The following TMEM165 variants were observed in gnomAD, a reference collection of about 807,000 sequenced individuals.
TMEM165 encodes putative divalent cation/proton antiporter TMEM165.
A neutral mutation model predicts 30.0 loss-of-function variants in TMEM165; 19 were observed. The observed-to-expected ratio is 0.63, with a 90% CI of 0.44 to 0.93. The LOEUF (loss-of-function observed/expected upper bound fraction) is 0.93. TMEM165 is among the 40% of genes least tolerant of loss of function. The probability of loss-of-function intolerance (pLI) is 0.00; values close to 1 mark genes in which losing one functional copy is unlikely to be tolerated. For synonymous variants in TMEM165, 168 were observed against 162.9 expected (o/e 1.03, Z -0.24); for missense variants, 340 against 417.0 (o/e 0.82, Z 1.61).
chr4:55,406,845 A>G (rs113473110), intron 1 of TMEM165, among the ~76,000 whole-genome samples: 5,127 of 151,480 alleles, frequency 0.034, 104 homozygotes, highest in Non-Finnish European at 0.054. Context: ...TATTTTTTGT[A>G]GAGACAGGGT....
chr4:55,405,040 T>A (rs940474092), intron 1 of TMEM165, among the ~76,000 whole-genome samples: 1 of 152,160 alleles, frequency 6.6e-6, no homozygotes, highest in Non-Finnish European at 1.5e-5. Context: ...CTAAGATAGT[T>A]TTTTTTCCTA....
chr4:55,414,195 G>A (rs892326211), intron 2 of TMEM165, among the ~76,000 whole-genome samples: 24 of 151,872 alleles, frequency 1.6e-4, no homozygotes, highest in Admixed American at 2.0e-4. Context: ...GCGTCAACCC[G>A]GGAGGCAGAG....
In TMEM165 at chr4:55,438,381, C is replaced by T. The variant is rs144899203; in HGVS notation, c.408+13738C>T. ...GGGAGCTCTGCTGCTGCTGCTGCTG[C>T]GTTACTGACAATGTCTGTGACTGTT... On this transcript the variant is annotated intron_variant, in intron 3 of 3. Coordinates refer to the TMEM165 transcript ENST00000608091. The T allele has an allele frequency of 5.5e-5, 88 of 1,613,622 alleles. No individual in the cohort carries two copies. The African/African-American group carries it at 8.8e-4, about 16-fold the overall frequency.
At chr4:55,442,677 T>G in intron 3 of TMEM165, 2 of 1,509,462 alleles carry the variant, frequency 1.3e-6, no homozygotes, top group Non-Finnish European at 1.8e-6. Flanking sequence ...TAACTGAAAA[T>G]AATTATTTGG....
chr4:55,439,116 T>C (rs1461873414), intron 3 of TMEM165, among the ~76,000 whole-genome samples: 1 of 152,188 alleles, frequency 6.6e-6, no homozygotes, highest in East Asian at 1.9e-4. Flanking sequence ...ATATCATCCT[T>C]CTGATAAGGG....
At chr4:55,444,868 TATAACATGAGTGAAGGATG>T in intron 3 of TMEM165, 1 of 1,394,412 alleles carries the variant, frequency 7.2e-7, no homozygotes. Flanking sequence ...AAGTAAGCAG[TATAACATGAGTGAAGGATG>T]ATAACATCCT....
chr4:55,421,596 A>AT (rs1721978776), intron 4 of TMEM165, among the ~76,000 whole-genome samples: 1 of 152,050 alleles, frequency 6.6e-6, no homozygotes, highest in South Asian at 2.1e-4. Context: ...TATTACTTTC[A>AT]AATAGAACCA....
At position 55,396,444 on chromosome 4, in the gene TMEM165, C is replaced by T. The variant is rs886710190; in HGVS notation, c.207+48C>T. The T allele has an allele frequency of 5.1e-6, 7 of 1,362,190 alleles. No homozygotes were observed. In the South Asian group the frequency reaches 8.4e-5, roughly 16 times the overall value. The allele number at this position is 1,362,190 out of a possible 1,614,324, so 84.4% of individuals were successfully genotyped here. ...AGCGAGGCTGCAGGGCCGGCTGCGC[C>T]GAGTACCAGGCTCCAGGCCTTTGAA... is the stretch of plus-strand genomic sequence containing the variant. On this transcript the variant is annotated intron_variant, in intron 1 of 5. Coordinates refer to ENST00000381334, the MANE Select transcript of TMEM165 (RefSeq NM_018475.5).
chr4:55,395,997 C>A lies in TMEM165; in HGVS notation c.-193C>A. On this transcript the variant is annotated 5_prime_UTR_variant, in exon 1 of 6. Transcript: ENST00000381334. Reference sequence around the variant, plus strand: ...GCCGCCGGAGAGGACGGGCGCCGAGCCGGGGCTGCGGACTTCGGCCTGCCC... The same window carrying A: ...GCCGCCGGAGAGGACGGGCGCCGAGACGGGGCTGCGGACTTCGGCCTGCCC... 4.9e-6 allele frequency: 2 copies of A among 404,068 alleles called. No homozygotes were observed. Among genetic ancestry groups the A allele is most frequent in the Non-Finnish European group, 8.4e-6 (2 of 237,088 alleles). The allele number at this position is 404,068 out of a possible 1,614,324, so 25.0% of individuals were successfully genotyped here.
At chr4:55,419,145 T>C (rs960809682) in intron 4 of TMEM165, among the ~76,000 whole-genome samples, 3 of 152,292 alleles carry the variant, frequency 2.0e-5, no homozygotes, top group Non-Finnish European at 2.9e-5. Flanking sequence ...GTACTGCTAT[T>C]ATGGGTAATT....
intron 1 of TMEM165, among the ~76,000 whole-genome samples, chr4:55,404,912 C>G (rs1721209487): frequency 6.6e-6 from 1 of 152,308 alleles, no homozygotes; most frequent in East Asian, 1.9e-4. Flanking sequence ...TAAAACAGCT[C>G]CTAAGTTTTT....
At chr4:55,403,664 G>A (rs1488910671) in intron 1 of TMEM165, among the ~76,000 whole-genome samples, 1 of 152,010 alleles carries the variant, frequency 6.6e-6, no homozygotes, top group African/African-American at 2.4e-5. Flanking sequence ...AGTGGTATTT[G>A]TACCAAAACA....
chr4:55,445,099 G>A lies in TMEM165; in HGVS notation c.409-7140G>A, dbSNP rs1723699423. Among the ~76,000 whole-genome samples, 3 of 132,002 alleles carry A rather than the reference G, an allele frequency of 2.3e-5. 1 individual carries two copies. The highest frequency in any genetic ancestry group is 5.1e-5 in the Non-Finnish European group (3 of 58,940). The allele number at this position is 132,002 out of a possible 152,430, so 86.6% of individuals were successfully genotyped here. ...TGCTCTTATGTCAGGGTGCCAACGG[G>A]AAGCTTTTAATATTTTCTCAACCAC... On this transcript the variant is annotated intron_variant, in intron 3 of 3. Coordinates refer to the TMEM165 transcript ENST00000608091.
intron 4 of TMEM165, chr4:55,418,264 GT>G: frequency 3.2e-6 from 1 of 308,766 alleles, no homozygotes; most frequent in Admixed American, 4.9e-5. Context: ...TCTTAGCTTG[GT>G]TTTCTTATCA....
exon 4 of TMEM165, chr4:55,453,228 C>T (rs79210836): frequency 0.043 from 41,738 of 968,290 alleles, 1,123 homozygotes; most frequent in Non-Finnish European, 0.056. Flanking sequence ...CTCATCTGTT[C>T]ATCTAGACTA....
intron 1 of TMEM165, among the ~76,000 whole-genome samples, chr4:55,406,762 C>T (rs565429279): frequency 1.3e-5 from 2 of 151,778 alleles, no homozygotes; most frequent in Admixed American, 6.6e-5. Context: ...TGGGCTCAAG[C>T]GATCCTCTCA....
chr4:55,419,265 T>C (rs1357694423), intron 4 of TMEM165, among the ~76,000 whole-genome samples: 1 of 152,156 alleles, frequency 6.6e-6, no homozygotes, highest in African/African-American at 2.4e-5. Flanking sequence ...CTTCTGGGAT[T>C]ATAGGCGAGA....
At chr4:55,453,247 G>T in exon 4 of TMEM165, 1 of 851,710 alleles carries the variant, frequency 1.2e-6, no homozygotes, top group Non-Finnish European at 1.9e-6. Context: ...TATTTGCTAT[G>T]TGCTACACAA....
At chr4:55,427,052 T>G (rs201597450), downstream of TMEM165, among the ~76,000 whole-genome samples, 415 of 98,890 alleles carry the variant, frequency 4.2e-3, 3 homozygotes, top group African/African-American at 5.1e-3. Context: ...TTTTTTTTTT[T>G]TGAGAGAGTC....
Sources: allele counts gnomAD v4.1 joint callset (sites outside exome capture counted in the v4.1 genomes callset), GRCh38; gene constraint gnomAD v4.1.1; transcripts MANE v1.5; gene names NCBI Gene and HGNC (gene_info 2026-07-23, HGNC 2026-07-21).